FBXL17: variants seen among roughly 807,000 people sequenced by gnomAD.
The protein encoded by FBXL17 is F-box/LRR-repeat protein 17.
FBXL17 carries 22 observed loss-of-function variants against 66.2 expected under a neutral mutation model. That is an observed-to-expected ratio of 0.33 (90% confidence interval 0.24 to 0.47). The LOEUF (loss-of-function observed/expected upper bound fraction) is 0.47. Ranked by LOEUF, FBXL17 falls within the 20% of genes least tolerant of loss-of-function variation. The pLI is 1.00. For missense variants in FBXL17, 878 were observed against 948.2 expected (o/e 0.93, Z 0.97); for synonymous variants, 474 against 400.5 (o/e 1.18, Z -2.19).
intron 7 of FBXL17, among the ~76,000 whole-genome samples, chr5:107,947,556 A>T (rs1751355953): frequency 6.6e-6 from 1 of 152,204 alleles, no homozygotes; most frequent in African/African-American, 2.4e-5. Flanking sequence ...AATTCCTAAG[A>T]TGAGAAGTTC....
intron 4 of FBXL17, among the ~76,000 whole-genome samples, chr5:108,317,854 C>T: frequency 6.6e-6 from 1 of 151,348 alleles, no homozygotes; most frequent in East Asian, 1.9e-4. Context: ...TAAAATCATA[C>T]ATAATGAATC....
At chr5:108,041,638 G>A (rs981546568) in intron 6 of FBXL17, among the ~76,000 whole-genome samples, 4 of 152,008 alleles carry the variant, frequency 2.6e-5, no homozygotes, top group Admixed American at 2.6e-4. Flanking sequence ...GGGTGATCTC[G>A]AACTCCTTAG....
chr5:107,873,037 G>A (rs1423564655), intron 8 of FBXL17, among the ~76,000 whole-genome samples: 2 of 152,204 alleles, frequency 1.3e-5, no homozygotes, highest in African/African-American at 4.8e-5. Flanking sequence ...ACCTTGAAAA[G>A]AGCAGCATCA....
chr5:108,035,761 T>C (rs995868119), intron 6 of FBXL17, among the ~76,000 whole-genome samples: 1 of 152,148 alleles, frequency 6.6e-6, no homozygotes, highest in African/African-American at 2.4e-5. Context: ...CCAATGCCCA[T>C]GCCCAGCCAC....
chr5:108,344,502 A>G (rs1429907730), intron 4 of FBXL17, among the ~76,000 whole-genome samples: 2 of 152,216 alleles, frequency 1.3e-5, no homozygotes, highest in African/African-American at 4.8e-5. Flanking sequence ...AATGTAAAAA[A>G]TAGGCCAAAC....
At chr5:108,199,272 T>G (rs915309022) in intron 5 of FBXL17, among the ~76,000 whole-genome samples, 2 of 152,170 alleles carry the variant, frequency 1.3e-5, no homozygotes, top group African/African-American at 4.8e-5. Context: ...TGTCTTTTAA[T>G]TGTCAATCAA....
intron 1 of FBXL17, among the ~76,000 whole-genome samples, chr5:108,375,749 G>A (rs1447362756): frequency 1.3e-5 from 2 of 152,148 alleles, no homozygotes; most frequent in Non-Finnish European, 2.9e-5. Context: ...ATGAGAGGAT[G>A]GGATACTACT....
At chr5:108,035,722 A>G (rs1746816632) in intron 6 of FBXL17, among the ~76,000 whole-genome samples, 1 of 152,226 alleles carries the variant, frequency 6.6e-6, no homozygotes, top group East Asian at 1.9e-4. Flanking sequence ...CAAATGCAGT[A>G]CCACCATATT....
rs1747422450 is a variant in FBXL17, at chr5:108,348,471, T to C, written c.1434A>G (p.Ser478=). 6.2e-7 allele frequency: 1 copy of C among 1,613,254 alleles called. No individual in the cohort carries two copies. Among genetic ancestry groups the C allele is most frequent in the Non-Finnish European group, 8.5e-7 (1 of 1,179,274 alleles). The change falls in exon 4 of 9, where the codon TCA becomes TCG. Residue 478 remains serine (S), a synonymous_variant. Coordinates refer to ENST00000542267, the MANE Select transcript of FBXL17 (RefSeq NM_001163315.3). ...TAGCTATGACGATCATGCCTTCATC[T>C]GAGATCTTGTAACACTGGCCGAAAT... ...DIHFGQCYKI[S]DEGMIVIAKG...
intron 4 of FBXL17, chr5:108,299,878 T>C: frequency 1.0e-6 from 1 of 964,542 alleles, no homozygotes; most frequent in Non-Finnish European, 1.2e-6. Flanking sequence ...TCATTAGATA[T>C]TTCTTCCCAG....
intron 5 of FBXL17, among the ~76,000 whole-genome samples, chr5:108,217,077 C>T (rs1473469835): frequency 2.0e-5 from 3 of 152,108 alleles, no homozygotes; most frequent in Non-Finnish European, 4.4e-5. Flanking sequence ...TCACCTCAGC[C>T]CGATTGTTCC....
chr5:108,179,568 T>C (rs1396407432), intron 6 of FBXL17, among the ~76,000 whole-genome samples: 2 of 152,164 alleles, frequency 1.3e-5, no homozygotes, highest in African/African-American at 2.4e-5. Context: ...AACTTCAAAT[T>C]ATAGGTGTGG....
chr5:107,861,749 T>C lies in FBXL17; in HGVS notation c.2077A>G (p.Thr693Ala). 1 of 1,582,166 alleles carries C rather than the reference T, an allele frequency of 6.3e-7. No homozygotes were observed. The highest frequency in any genetic ancestry group is 8.6e-7 in the Non-Finnish European group (1 of 1,161,586). Residue 693 changes from threonine to alanine, a missense_variant, in exon 9 of 9, where the codon ACC (threonine) becomes GCC (alanine). Around this residue, in one of 4 missense-constraint regions of FBXL17, gnomAD observed 31 missense variants for 27.0 expected, o/e 1.15. Coordinates refer to ENST00000542267, the MANE Select transcript of FBXL17 (RefSeq NM_001163315.3). ...TLERAYQMGW[T>A]PNMSAASS ...GAGGAGGCGGCAGACATGTTGGGGGTCCAGCCCATCTGATAGGCTCTCTCC... is the reference window on the plus strand; with the variant it reads ...GAGGAGGCGGCAGACATGTTGGGGGCCCAGCCCATCTGATAGGCTCTCTCC...
intron 4 of FBXL17, among the ~76,000 whole-genome samples, chr5:108,285,661 C>T (rs1313615798): frequency 6.6e-6 from 1 of 151,700 alleles, no homozygotes; most frequent in Non-Finnish European, 1.5e-5. Flanking sequence ...GCAAACCATG[C>T]TTTAAACAGA....
chr5:108,077,792 C>T (rs895886324), intron 6 of FBXL17, among the ~76,000 whole-genome samples: 1 of 152,094 alleles, frequency 6.6e-6, no homozygotes, highest in African/African-American at 2.4e-5. Context: ...GTACAAGTCT[C>T]CAAATTAACA....
At chr5:107,959,950 G>C (rs1022910038) in intron 7 of FBXL17, among the ~76,000 whole-genome samples, 1 of 152,160 alleles carries the variant, frequency 6.6e-6, no homozygotes, top group African/African-American at 2.4e-5. Context: ...TCTGTTCTCA[G>C]TGACTAAAAT....
rs1749216767 is a variant in FBXL17, at chr5:107,892,179, G to A, written c.1823-11000C>T. Among the ~76,000 whole-genome samples, 9 of 152,108 alleles carry A rather than the reference G, an allele frequency of 5.9e-5. No homozygotes were observed. The South Asian group carries it at 1.9e-3, about 31-fold the overall frequency. ...TCTAAGTACCGTCTCTACTGAATGT[G>A]TATTGCTTTCACACCATCATAAAAT... is the stretch of plus-strand genomic sequence containing the variant. On this transcript the variant is annotated intron_variant, in intron 7 of 8. Coordinates refer to ENST00000542267, the MANE Select transcript of FBXL17 (RefSeq NM_001163315.3).
At chr5:107,984,064 A>G (rs1752927455) in intron 7 of FBXL17, among the ~76,000 whole-genome samples, 1 of 152,168 alleles carries the variant, frequency 6.6e-6, no homozygotes, top group South Asian at 2.1e-4. Flanking sequence ...TTTATATTCT[A>G]TTAATTTCTA....
chr5:108,286,940 A>C (rs1757923164), intron 4 of FBXL17, among the ~76,000 whole-genome samples: 1 of 151,830 alleles, frequency 6.6e-6, no homozygotes, highest in South Asian at 2.1e-4. Flanking sequence ...ACACACAGAC[A>C]AATGGAACAG....
Sources: allele counts gnomAD v4.1 joint callset (sites outside exome capture counted in the v4.1 genomes callset), GRCh38; gene constraint gnomAD v4.1.1; regional missense constraint gnomAD v4.1.1; transcripts MANE v1.5; gene names NCBI Gene and HGNC (gene_info 2026-07-23, HGNC 2026-07-21).